Variants in NRXN3 observed in about 807,000 individuals in gnomAD.
NRXN3 encodes neurexin III.
NRXN3 carries 32 observed loss-of-function variants against 137.6 expected under a neutral mutation model. The ratio of observed to expected loss-of-function variants is 0.23; its 90% CI spans 0.18 to 0.31. The LOEUF (loss-of-function observed/expected upper bound fraction) is 0.31, where lower values mean the gene tolerates loss of function less well. NRXN3 is among the 10% of genes least tolerant of loss of function. The pLI is 1.00. For synonymous variants in NRXN3, 798 were observed against 784.5 expected (o/e 1.02, Z -0.29); for missense variants, 1,574 against 2,062.5 (o/e 0.76, Z 4.59).
intron 15 of NRXN3, among the ~76,000 whole-genome samples, chr14:79,096,359 C>T (rs2152825829): frequency 6.6e-6 from 1 of 152,192 alleles, no homozygotes; most frequent in South Asian, 2.1e-4. Context: ...ATCCGCTCAC[C>T]TTGGCCTCCC....
At chr14:79,832,594 G>A (rs933209305) in intron 20 of NRXN3, among the ~76,000 whole-genome samples, 1 of 152,082 alleles carries the variant, frequency 6.6e-6, no homozygotes, top group Non-Finnish European at 1.5e-5. Flanking sequence ...GGTCAGGGGT[G>A]TTGCCAAATA....
chr14:78,949,316 A>G (rs2099381245), intron 10 of NRXN3, among the ~76,000 whole-genome samples: 1 of 151,940 alleles, frequency 6.6e-6, no homozygotes, highest in Non-Finnish European at 1.5e-5. Flanking sequence ...TTATTAATTC[A>G]ATTATATGTA....
intron 4 of NRXN3, among the ~76,000 whole-genome samples, chr14:78,409,025 G>T (rs977735613): frequency 4.6e-5 from 7 of 152,168 alleles, no homozygotes; most frequent in Admixed American, 1.3e-4. Flanking sequence ...TTAATATCAT[G>T]GGATAAAACA....
chr14:78,262,444 T>C (rs1019367918), intron 2 of NRXN3, among the ~76,000 whole-genome samples: 6 of 152,090 alleles, frequency 3.9e-5, no homozygotes, highest in African/African-American at 1.4e-4. Context: ...GAAGCTCTGT[T>C]GTGGGAGAAG....
In NRXN3 at chr14:79,560,504, C is replaced by CTTTTTTTTTTTTTTTTTT. The variant is rs34025659; in HGVS notation, c.3444+93109_3444+93126dup. On this transcript the variant is annotated intron_variant, in intron 16 of 20. Transcript: ENST00000335750. ...AATTCTACAAGGACAAGATTGTAAG[C>CTTTTTTTTTTTTTTTTTT]TTTTTTTTTTTTTTTTTTTTTTTTG... Among the ~76,000 whole-genome samples, 119 of 43,766 alleles carry CTTTTTTTTTTTTTTTTTT rather than the reference C, an allele frequency of 2.7e-3. 35 individuals carry two copies. The highest frequency in any genetic ancestry group is 3.6e-3 in the Non-Finnish European group (88 of 24,708). The allele number at this position is 43,766 out of a possible 152,430, so 28.7% of individuals were successfully genotyped here. A position where few individuals can be genotyped will look rare whatever the true frequency, so the allele number is the denominator to read the frequency against.
chr14:78,418,889 T>C (rs2093294003), intron 4 of NRXN3, among the ~76,000 whole-genome samples: 1 of 152,222 alleles, frequency 6.6e-6, no homozygotes, highest in Admixed American at 6.5e-5. Context: ...CATAGAAACT[T>C]GCCCAAGCTT....
At chr14:79,759,584 T>C (rs570779269) in intron 19 of NRXN3, among the ~76,000 whole-genome samples, 2 of 151,880 alleles carry the variant, frequency 1.3e-5, no homozygotes, top group East Asian at 3.9e-4. Flanking sequence ...ATTGCTTTAT[T>C]ATGTGACATT....
intron 20 of NRXN3, among the ~76,000 whole-genome samples, chr14:79,840,910 A>G (rs1411031141): frequency 1.3e-5 from 2 of 152,200 alleles, no homozygotes; most frequent in African/African-American, 4.8e-5. Flanking sequence ...ATTTGTTTCT[A>G]AGCATATATC....
chr14:79,690,313 T>C (rs2098711689), intron 17 of NRXN3, among the ~76,000 whole-genome samples: 1 of 152,188 alleles, frequency 6.6e-6, no homozygotes, highest in Non-Finnish European at 1.5e-5. Context: ...AGGTAGACCA[T>C]TATAATGATC....
chr14:79,573,412 C>T (rs2097631173), intron 16 of NRXN3, among the ~76,000 whole-genome samples: 1 of 152,062 alleles, frequency 6.6e-6, no homozygotes, highest in African/African-American at 2.4e-5. Context: ...ATAGCTTCAG[C>T]CAGTTGTCAC....
At chr14:79,074,992 A>C (rs2045729513) in intron 15 of NRXN3, among the ~76,000 whole-genome samples, 1 of 152,166 alleles carries the variant, frequency 6.6e-6, no homozygotes, top group Non-Finnish European at 1.5e-5. Flanking sequence ...TAAGTTTGCA[A>C]ATTGTTGTAG....
chr14:79,215,727 G>T (rs111423991), intron 15 of NRXN3, among the ~76,000 whole-genome samples: 1 of 152,102 alleles, frequency 6.6e-6, no homozygotes, highest in African/African-American at 2.4e-5. Context: ...ACTACAATTC[G>T]AGATGAGATT....
intron 1 of NRXN3, among the ~76,000 whole-genome samples, chr14:78,222,906 G>A (rs2064023319): frequency 6.6e-6 from 1 of 152,180 alleles, no homozygotes; most frequent in African/African-American, 2.4e-5. Context: ...AACATAATAG[G>A]TGCTCAATAA....
chr14:79,837,190 A>C (rs922351987), intron 20 of NRXN3, among the ~76,000 whole-genome samples: 10 of 152,196 alleles, frequency 6.6e-5, no homozygotes, highest in African/African-American at 2.4e-4. Context: ...ATATAGTGTT[A>C]GGAAGACAGT....
Position 79,642,772 on chromosome 14 carries a change from G to T in NRXN3, c.3445-21006G>T, listed in dbSNP as rs1302689673. Among the ~76,000 whole-genome samples, 2 of 135,282 alleles carry T rather than the reference G, an allele frequency of 1.5e-5. 1 individual carries two copies. Among genetic ancestry groups the T allele is most frequent in the African/African-American group, 4.9e-5 (2 of 40,666 alleles). 88.8% of individuals were successfully genotyped at this position (135,282 alleles called of 152,430 possible). On this transcript the variant is annotated intron_variant, in intron 16 of 20. Transcript: ENST00000335750. Reference sequence around the variant, plus strand: ...GTTCACGCCATTCTCCTGATTTCCTGTATAGTAACTATATTCTCAAGAAGA... The same window carrying T: ...GTTCACGCCATTCTCCTGATTTCCTTTATAGTAACTATATTCTCAAGAAGA...
intron 4 of NRXN3, among the ~76,000 whole-genome samples, chr14:78,578,097 A>T (rs914758551): frequency 1.3e-5 from 2 of 152,206 alleles, no homozygotes; most frequent in African/African-American, 4.8e-5. Context: ...ATAAATTACC[A>T]TGACTTCAAA....
At chr14:79,315,630 A>C (rs748388773) in intron 15 of NRXN3, among the ~76,000 whole-genome samples, 2 of 152,192 alleles carry the variant, frequency 1.3e-5, no homozygotes, top group Admixed American at 6.5e-5. Flanking sequence ...AATAAATAAC[A>C]TCAGATTCTT....
chr14:78,365,052 A>C (rs2085711429), intron 4 of NRXN3, among the ~76,000 whole-genome samples: 1 of 152,188 alleles, frequency 6.6e-6, no homozygotes, highest in East Asian at 1.9e-4. Flanking sequence ...CAGGATTAGC[A>C]AGAAATTAAA....
Position 79,862,897 on chromosome 14 carries a change from C to G in NRXN3, c.*933C>G, listed in dbSNP as rs1393432373. 1 of 152,450 alleles carries G rather than the reference C, an allele frequency of 6.6e-6. No homozygotes were observed. Among genetic ancestry groups the G allele is most frequent in the Non-Finnish European group, 1.5e-5 (1 of 68,042 alleles). 9.4% of individuals were successfully genotyped at this position (152,450 alleles called of 1,614,324 possible). ...TTGGCTTTACGTAACAATATTGTTC[C>G]TGTCCATTCACCCAGCCAAATTGTG... On this transcript the variant is annotated 3_prime_UTR_variant, in exon 21 of 21. Transcript: ENST00000335750.
Sources: allele counts gnomAD v4.1 joint callset (sites outside exome capture counted in the v4.1 genomes callset), GRCh38; gene constraint gnomAD v4.1.1; transcripts MANE v1.5; gene names NCBI Gene and HGNC (gene_info 2026-07-23, HGNC 2026-07-21).